KAZN: variants seen among roughly 807,000 people sequenced by gnomAD.
KAZN encodes kazrin.
Under a neutral mutation model 87.4 loss-of-function variants are expected in KAZN, and 40 were observed. The observed-to-expected ratio is 0.46, with a 90% CI of 0.36 to 0.60. The LOEUF (loss-of-function observed/expected upper bound fraction) is 0.60. Among genes scored for constraint, KAZN ranks in the 20% least tolerant of loss-of-function variants. KAZN has a pLI of 0.00. For synonymous variants in KAZN, 466 were observed against 458.3 expected (o/e 1.02, Z -0.22); for missense variants, 898 against 1,073.9 (o/e 0.84, Z 2.29).
chr1:14,712,162 G>A (rs1337003366), intron 1 of KAZN, among the ~76,000 whole-genome samples: 1 of 152,312 alleles, frequency 6.6e-6, no homozygotes, highest in South Asian at 2.1e-4. Flanking sequence ...GTTGAAGCAG[G>A]TAGCAGGGAG....
At chr1:14,144,724 A>G (rs1218909650) in intron 1 of KAZN, among the ~76,000 whole-genome samples, 1 of 152,114 alleles carries the variant, frequency 6.6e-6, no homozygotes, top group East Asian at 1.9e-4. Context: ...TGAGGGCCTC[A>G]CTCTGCTTTA....
intron 1 of KAZN, among the ~76,000 whole-genome samples, chr1:14,654,941 C>A (rs1638693664): frequency 6.6e-6 from 1 of 152,192 alleles, no homozygotes; most frequent in Non-Finnish European, 1.5e-5. Flanking sequence ...AGCAGCTGTT[C>A]ATTTTGTTGA....
chr1:14,461,897 C>T (rs1667872301), intron 2 of KAZN, among the ~76,000 whole-genome samples: 1 of 151,988 alleles, frequency 6.6e-6, no homozygotes. Flanking sequence ...GCCTAAGATA[C>T]TCTCCCAAAA....
At chr1:14,476,401 T>C (rs1668726248) in intron 2 of KAZN, among the ~76,000 whole-genome samples, 1 of 152,202 alleles carries the variant, frequency 6.6e-6, no homozygotes, top group South Asian at 2.1e-4. Flanking sequence ...CAATAATGGA[T>C]GATACCATAA....
intron 2 of KAZN, among the ~76,000 whole-genome samples, chr1:14,356,033 T>C (rs1271959113): frequency 6.6e-6 from 1 of 152,226 alleles, no homozygotes; most frequent in African/African-American, 2.4e-5. Flanking sequence ...TGAACTAATT[T>C]ACACTCCCAC....
intron 2 of KAZN, among the ~76,000 whole-genome samples, chr1:14,262,918 C>T (rs1192466334): frequency 6.6e-6 from 1 of 152,164 alleles, no homozygotes; most frequent in Non-Finnish European, 1.5e-5. Context: ...TTACTGCCTT[C>T]TCCACAACCT....
chr1:14,201,257 T>C (rs2100406569), intron 2 of KAZN, among the ~76,000 whole-genome samples: 1 of 152,370 alleles, frequency 6.6e-6, no homozygotes, highest in Non-Finnish European at 1.5e-5. Context: ...TTTCTTCTTT[T>C]CCTCCACCTC....
At chr1:14,684,288 G>A (rs1640837197) in intron 1 of KAZN, among the ~76,000 whole-genome samples, 1 of 152,186 alleles carries the variant, frequency 6.6e-6, no homozygotes, top group Non-Finnish European at 1.5e-5. Flanking sequence ...TACTTGATTG[G>A]TATTAGGGTT....
intron 2 of KAZN, among the ~76,000 whole-genome samples, chr1:14,523,018 GCTATGAGTCA>G (rs1338883275): frequency 6.6e-6 from 1 of 152,156 alleles, no homozygotes; most frequent in Non-Finnish European, 1.5e-5. Flanking sequence ...GCATGTACGA[GCTATGAGTCA>G]CTAGGCCACA....
At position 14,679,729 on chromosome 1, in the gene KAZN, G is replaced by C. The variant is rs186604639; in HGVS notation, c.226+80506G>C. ...AGCAGCATCCCCATTGTTCAGATAG[G>C]GAAACTGAGGCTTAGAGAGGTAAGA... On this transcript the variant is annotated intron_variant, in intron 1 of 14. Coordinates refer to ENST00000376030, the MANE Select transcript of KAZN (RefSeq NM_201628.3). Among the ~76,000 whole-genome samples the C allele has an allele frequency of 2.5e-3, 378 of 152,254 alleles. 1 individual carries two copies. Among genetic ancestry groups the C allele is most frequent in the African/African-American group, 8.8e-3 (364 of 41,536 alleles).
At chr1:14,133,377 A>AAAG (rs1553132990) in intron 1 of KAZN, among the ~76,000 whole-genome samples, 35 of 72,046 alleles carry the variant, frequency 4.9e-4, no homozygotes, top group Non-Finnish European at 5.5e-4. Context: ...AAAAAAAAAA[A>AAAG]AAAGAAAGAA....
At chr1:14,947,028 T>G (rs1361502418) in intron 1 of KAZN, among the ~76,000 whole-genome samples, 3 of 151,978 alleles carry the variant, frequency 2.0e-5, no homozygotes, top group South Asian at 4.2e-4. Flanking sequence ...TTTCCGTGGG[T>G]TCTGGGAATG....
intron 1 of KAZN, among the ~76,000 whole-genome samples, chr1:14,025,792 C>A (rs1186681578): frequency 6.6e-6 from 1 of 152,072 alleles, no homozygotes; most frequent in Non-Finnish European, 1.5e-5. Flanking sequence ...ACCATATTGG[C>A]TCCAGATCTT....
intron 2 of KAZN, among the ~76,000 whole-genome samples, chr1:14,270,287 G>C (rs1049474497): frequency 6.6e-6 from 1 of 152,218 alleles, no homozygotes; most frequent in Non-Finnish European, 1.5e-5. Flanking sequence ...CCATGTGTGA[G>C]AAAATGGAGG....
At chr1:14,934,135 G>A (rs1377001252) in intron 1 of KAZN, among the ~76,000 whole-genome samples, 9 of 151,876 alleles carry the variant, frequency 5.9e-5, no homozygotes, top group South Asian at 4.2e-4. Flanking sequence ...GATTACAGGC[G>A]TGAGCCACCA....
chr1:14,786,474 G>A (rs1225356613), intron 1 of KAZN, among the ~76,000 whole-genome samples: 3 of 152,176 alleles, frequency 2.0e-5, no homozygotes, highest in Non-Finnish European at 4.4e-5. Context: ...AGCACATAGA[G>A]CTGAAACCTC....
At chr1:14,440,822 ACAC>A (rs917169758) in intron 2 of KAZN, among the ~76,000 whole-genome samples, 1 of 152,180 alleles carries the variant, frequency 6.6e-6, no homozygotes, top group Non-Finnish European at 1.5e-5. Context: ...AAGGCACACT[ACAC>A]ATGTTAAGTC....
intron 2 of KAZN, among the ~76,000 whole-genome samples, chr1:14,524,082 T>A (rs918378967): frequency 4.6e-5 from 7 of 152,102 alleles, no homozygotes; most frequent in Admixed American, 3.9e-4. Flanking sequence ...AGTACAGTGG[T>A]GTGAGCTCGG....
At chr1:14,468,168 TAA>T (rs1276231733) in intron 2 of KAZN, among the ~76,000 whole-genome samples, 1 of 152,128 alleles carries the variant, frequency 6.6e-6, no homozygotes, top group South Asian at 2.1e-4. Flanking sequence ...AAAGTCAAGC[TAA>T]AAAATCTATG....
Sources: allele counts gnomAD v4.1 joint callset (sites outside exome capture counted in the v4.1 genomes callset), GRCh38; gene constraint gnomAD v4.1.1; transcripts MANE v1.5; gene names NCBI Gene and HGNC (gene_info 2026-07-23, HGNC 2026-07-21).